THSD4: variants seen among roughly 807,000 people sequenced by gnomAD.
The protein encoded by THSD4 is thrombospondin type-1 domain-containing protein 4.
In THSD4, 69 loss-of-function variants were observed where a neutral mutation model predicts 119.0. The observed-to-expected ratio is 0.58, with a 90% CI of 0.48 to 0.71. The LOEUF (loss-of-function observed/expected upper bound fraction) is 0.71. THSD4 is among the 30% of genes least tolerant of loss of function. The pLI is 0.00. For missense variants in THSD4, 1,393 were observed against 1,391.1 expected, an observed-to-expected ratio of 1.00 and a Z score of -0.02; for synonymous variants, 524 against 540.4, an observed-to-expected ratio of 0.97 and a Z score of 0.42.
At chr15:71,165,900 G>A (rs761755035) in intron 3 of THSD4, among the ~76,000 whole-genome samples, 1 of 152,130 alleles carries the variant, frequency 6.6e-6, no homozygotes, top group Non-Finnish European at 1.5e-5. Flanking sequence ...GGCTCTTTCT[G>A]AGCCACCTCC....
At chr15:71,389,299 T>G (rs1302565372) in intron 6 of THSD4, among the ~76,000 whole-genome samples, 3 of 152,228 alleles carry the variant, frequency 2.0e-5, no homozygotes, top group Non-Finnish European at 4.4e-5. Context: ...CCCTTTCCCT[T>G]CAGCCCCTGG....
chr15:71,272,441 A>T (rs1345493981), intron 6 of THSD4, among the ~76,000 whole-genome samples: 1 of 139,118 alleles, frequency 7.2e-6, no homozygotes, highest in Non-Finnish European at 1.6e-5. Flanking sequence ...GTGGGGAGGG[A>T]GGGGCAAAGG....
chr15:71,304,280 C>T (rs1322052687), intron 6 of THSD4, among the ~76,000 whole-genome samples: 2 of 152,026 alleles, frequency 1.3e-5, no homozygotes, highest in Admixed American at 1.3e-4. Context: ...TGCTGCTCCT[C>T]ACCAGGTGAG....
chr15:71,437,702 T>G (rs1385977703), intron 7 of THSD4, among the ~76,000 whole-genome samples: 2 of 152,200 alleles, frequency 1.3e-5, no homozygotes, highest in South Asian at 4.1e-4. Context: ...TCCCTTTACA[T>G]GTTTGCAATA....
chr15:71,289,766 A>G (rs1487284688), intron 6 of THSD4, among the ~76,000 whole-genome samples: 6 of 152,130 alleles, frequency 3.9e-5, no homozygotes, highest in African/African-American at 1.4e-4. Flanking sequence ...ACCCTCATCT[A>G]GGGCTTATTC....
rs914874482 is a variant in THSD4 at position 71,595,466 on chromosome 15, T to A, written c.1153-65064T>A. Among the ~76,000 whole-genome samples, 3 of 152,330 alleles carry A rather than the reference T, an allele frequency of 2.0e-5. 1 individual carries two copies. In the South Asian group the frequency reaches 6.2e-4, roughly 32 times the overall value. Reference sequence around the variant, plus strand: ...TCATTTTTCTCTTGCCACCACCATGTAAGAAGTGCCTTTCGCCTCCTGCCA... The same window carrying A: ...TCATTTTTCTCTTGCCACCACCATGAAAGAAGTGCCTTTCGCCTCCTGCCA... On this transcript the variant is annotated intron_variant, in intron 7 of 17. Coordinates refer to ENST00000261862, the MANE Select transcript of THSD4 (RefSeq NM_024817.3).
intron 7 of THSD4, among the ~76,000 whole-genome samples, chr15:71,458,340 GT>G (rs543288438): frequency 6.6e-6 from 1 of 152,066 alleles, no homozygotes; most frequent in South Asian, 2.1e-4. Context: ...GGAGCCAAAG[GT>G]TCTATTTTGT....
chr15:71,385,589 CGAA>C (rs1319716621), intron 6 of THSD4, among the ~76,000 whole-genome samples: 2 of 336 alleles, frequency 6.0e-3, no homozygotes, highest in African/African-American at 9.3e-3. Flanking sequence ...TTCGCTAAAG[CGAA>C]TAAATTTGAA....
At chr15:71,695,502 A>ACG in intron 8 of THSD4, among the ~76,000 whole-genome samples, 1 of 144,128 alleles carries the variant, frequency 6.9e-6, no homozygotes, top group Admixed American at 6.9e-5. Context: ...GTGTGTGTGC[A>ACG]TGTGTGTGTG....
intron 6 of THSD4, among the ~76,000 whole-genome samples, chr15:71,322,907 G>C (rs1165830017): frequency 6.6e-6 from 1 of 151,974 alleles, no homozygotes; most frequent in Non-Finnish European, 1.5e-5. Context: ...GACCAACCTG[G>C]ATAACATGGC....
intron 7 of THSD4, among the ~76,000 whole-genome samples, chr15:71,581,386 A>AT (rs1021748321): frequency 1.3e-5 from 2 of 151,828 alleles, no homozygotes; most frequent in Admixed American, 6.6e-5. Flanking sequence ...CTGTTATTTG[A>AT]TTTTTTTGCT....
At chr15:71,614,573 C>T (rs960641776) in intron 7 of THSD4, among the ~76,000 whole-genome samples, 1 of 152,128 alleles carries the variant, frequency 6.6e-6, no homozygotes, top group Non-Finnish European at 1.5e-5. Context: ...TGTGTCACCT[C>T]ACTGAAAAGA....
chr15:71,755,733 A>G (rs970843413), intron 14 of THSD4, among the ~76,000 whole-genome samples: 1 of 124,550 alleles, frequency 8.0e-6, no homozygotes, highest in Non-Finnish European at 1.8e-5. Context: ...AAAAAAAAAA[A>G]GACAGGACAC....
chr15:71,660,185 C>G (rs1453353498), intron 7 of THSD4, among the ~76,000 whole-genome samples: 8 of 152,138 alleles, frequency 5.3e-5, no homozygotes, highest in Admixed American at 2.0e-4. Context: ...CAGAGAGATT[C>G]TTTATATAAA....
chr15:71,730,515 A>G (rs1279849241), intron 9 of THSD4: 1 of 152,458 alleles, frequency 6.6e-6, no homozygotes, highest in Non-Finnish European at 1.5e-5. Flanking sequence ...TTGCCATCCT[A>G]TTTTTGTCAT....
intron 3 of THSD4, among the ~76,000 whole-genome samples, chr15:71,209,825 G>A (rs1386672936): frequency 2.6e-5 from 4 of 152,240 alleles, no homozygotes; most frequent in South Asian, 4.1e-4. Context: ...GGTCTTTCCT[G>A]TGCTATTCTT....
intron 9 of THSD4, 67 bp from the exon 10 acceptor site, chr15:71,731,054 G>T: frequency 1.4e-6 from 2 of 1,464,492 alleles, no homozygotes; most frequent in Admixed American, 3.4e-5. Flanking sequence ...TTCTGCAAAT[G>T]CCATTGAAAC....
intron 6 of THSD4, among the ~76,000 whole-genome samples, chr15:71,303,152 CTG>C (rs999833140): frequency 6.6e-6 from 1 of 151,900 alleles, no homozygotes; most frequent in African/African-American, 2.4e-5. Flanking sequence ...ACACTGGAAA[CTG>C]TGTTTATACA....
chr15:71,489,692 G>C (rs568161599), intron 7 of THSD4, among the ~76,000 whole-genome samples: 1 of 152,214 alleles, frequency 6.6e-6, no homozygotes, highest in Admixed American at 6.5e-5. Context: ...TTGTCTCCTG[G>C]TTTTGCCAGA....
Sources: allele counts gnomAD v4.1 joint callset (sites outside exome capture counted in the v4.1 genomes callset), GRCh38; gene constraint gnomAD v4.1.1; transcripts MANE v1.5; gene names NCBI Gene and HGNC (gene_info 2026-07-23, HGNC 2026-07-21).